The following MACROD2 variants were observed in gnomAD, a reference collection of about 807,000 sequenced individuals.
MACROD2 encodes the protein mono-ADP ribosylhydrolase 2.
MACROD2 carries 36 observed loss-of-function variants against 70.4 expected under a neutral mutation model. That is an observed-to-expected ratio of 0.51 (90% confidence interval 0.39 to 0.68). The LOEUF (loss-of-function observed/expected upper bound fraction) is 0.68. Among genes scored for constraint, MACROD2 ranks in the 30% least tolerant of loss-of-function variants. The probability of loss-of-function intolerance (pLI) is 0.00; values close to 1 mark genes in which losing one functional copy is unlikely to be tolerated. For synonymous variants in MACROD2, 172 were observed against 178.8 expected, an observed-to-expected ratio of 0.96 and a Z score of 0.30; for missense variants, 496 against 538.4, an observed-to-expected ratio of 0.92 and a Z score of 0.78.
chr20:15,844,447 C>G (rs2064207186), intron 8 of MACROD2, among the ~76,000 whole-genome samples: 1 of 152,090 alleles, frequency 6.6e-6, no homozygotes, highest in African/African-American at 2.4e-5. Context: ...TTCATTTACT[C>G]CCCCAGATAG....
chr20:15,515,255 A>G (rs956889761), intron 8 of MACROD2, among the ~76,000 whole-genome samples: 1 of 152,242 alleles, frequency 6.6e-6, no homozygotes, highest in Non-Finnish European at 1.5e-5. Context: ...TTTCTAAGCC[A>G]TGGATATTTC....
chr20:14,938,653 T>C (rs1414650513), intron 5 of MACROD2, among the ~76,000 whole-genome samples: 4 of 152,014 alleles, frequency 2.6e-5, no homozygotes, highest in Non-Finnish European at 5.9e-5. Flanking sequence ...TGATGGCAGG[T>C]GCCTGTAATC....
chr20:15,573,247 G>C (rs1177185268), intron 8 of MACROD2, among the ~76,000 whole-genome samples: 1 of 151,988 alleles, frequency 6.6e-6, no homozygotes, highest in Admixed American at 6.6e-5. Context: ...AGCATTATAT[G>C]CCTTCACATG....
At chr20:15,313,574 G>C (rs1410883263) in intron 6 of MACROD2, among the ~76,000 whole-genome samples, 2 of 151,760 alleles carry the variant, frequency 1.3e-5, no homozygotes, top group Non-Finnish European at 2.9e-5. Flanking sequence ...GTAATGTGTG[G>C]AATGTTTCTC....
intron 8 of MACROD2, among the ~76,000 whole-genome samples, chr20:15,571,555 C>A (rs988560110): frequency 7.3e-5 from 11 of 151,678 alleles, no homozygotes; most frequent in African/African-American, 2.7e-4. Flanking sequence ...AGAACTAAAC[C>A]AGATATTGAG....
chr20:14,772,545 C>A (rs2072182401), intron 5 of MACROD2, among the ~76,000 whole-genome samples: 1 of 151,972 alleles, frequency 6.6e-6, no homozygotes, highest in South Asian at 2.1e-4. Flanking sequence ...GAGACTCACT[C>A]ACTATCATGA....
intron 8 of MACROD2, among the ~76,000 whole-genome samples, chr20:15,845,493 A>G (rs1387056491): frequency 6.6e-6 from 1 of 151,646 alleles, no homozygotes; most frequent in African/African-American, 2.4e-5. Flanking sequence ...GATCAAGGAA[A>G]TGAGTCGTGG....
At position 15,455,705 on chromosome 20, in the gene MACROD2, A is replaced by G. The variant is rs545660319; in HGVS notation, c.571+24270A>G. On this transcript the variant is annotated intron_variant, in intron 7 of 17. Transcript: ENST00000684519. ...ATAGTTGTGAAATTTGATGATTTTG[A>G]AGAAGAATTAATTACTGAAGTTTTT... 2.0e-5 allele frequency among the ~76,000 whole-genome samples: 3 copies of G among 152,252 alleles called. No homozygotes were observed. In the South Asian group the frequency reaches 6.2e-4, roughly 32 times the overall value.
At chr20:14,216,824 T>TACC (rs1244849162) in intron 3 of MACROD2, among the ~76,000 whole-genome samples, 1 of 152,170 alleles carries the variant, frequency 6.6e-6, no homozygotes, top group African/African-American at 2.4e-5. Context: ...ACTGTTGGTG[T>TACC]ATAGAAGAGC....
At chr20:15,750,862 G>C (rs116211233) in intron 8 of MACROD2, among the ~76,000 whole-genome samples, 277 of 151,814 alleles carry the variant, frequency 1.8e-3, no homozygotes, top group African/African-American at 6.1e-3. Context: ...TACCTCATCT[G>C]TGGAATCTAA....
intron 5 of MACROD2, among the ~76,000 whole-genome samples, chr20:15,200,990 CAG>C (rs1461195702): frequency 6.6e-6 from 1 of 152,156 alleles, no homozygotes; most frequent in East Asian, 1.9e-4. Flanking sequence ...ATGCTACTCC[CAG>C]AGACTGATTT....
At chr20:15,580,400 C>T (rs970499029) in intron 8 of MACROD2, among the ~76,000 whole-genome samples, 1 of 152,130 alleles carries the variant, frequency 6.6e-6, no homozygotes, top group Non-Finnish European at 1.5e-5. Flanking sequence ...ATCTGTGTGC[C>T]CCCATTAGTC....
intron 15 of MACROD2, among the ~76,000 whole-genome samples, chr20:16,032,791 G>T (rs1419314389): frequency 3.0e-5 from 4 of 133,170 alleles, no homozygotes; most frequent in African/African-American, 1.1e-4. Context: ...GGAAGGGCAG[G>T]AAGGGAGGGA....
chr20:14,626,038 C>T (rs572173384), intron 4 of MACROD2, among the ~76,000 whole-genome samples: 1 of 152,238 alleles, frequency 6.6e-6, no homozygotes, highest in African/African-American at 2.4e-5. Flanking sequence ...GTTGATTAGG[C>T]TGGTCTCAAA....
chr20:16,041,514 A>G (rs1175176984), intron 16 of MACROD2, among the ~76,000 whole-genome samples: 1 of 152,004 alleles, frequency 6.6e-6, no homozygotes, highest in Non-Finnish European at 1.5e-5. Flanking sequence ...ATCATATCTT[A>G]TAATACTGAG....
chr20:15,846,487 T>C (rs2147139606), intron 8 of MACROD2, among the ~76,000 whole-genome samples: 1 of 152,256 alleles, frequency 6.6e-6, no homozygotes, highest in Non-Finnish European at 1.5e-5. Flanking sequence ...CGATTTTCTC[T>C]CATCTAGTTA....
intron 6 of MACROD2, among the ~76,000 whole-genome samples, chr20:15,265,665 TTTTC>T (rs541579292): frequency 1.3e-5 from 2 of 152,344 alleles, no homozygotes; most frequent in Admixed American, 1.3e-4. Flanking sequence ...TTGCACTTCT[TTTTC>T]TTTCTTCTTT....
intron 5 of MACROD2, among the ~76,000 whole-genome samples, chr20:15,121,189 G>C (rs997243515): frequency 1.3e-5 from 2 of 152,136 alleles, no homozygotes; most frequent in Non-Finnish European, 1.5e-5. Flanking sequence ...GTACAGGATA[G>C]GTAGTGCTTA....
chr20:15,772,101 A>AAAAAAAAAAAATATATAT (rs1555777716), intron 8 of MACROD2, among the ~76,000 whole-genome samples: 2 of 91,424 alleles, frequency 2.2e-5, no homozygotes, highest in Non-Finnish European at 3.8e-5. Flanking sequence ...AAAAAAAAAA[A>AAAAAAAAAAAATATATAT]ATATATATAT....
Sources: gnomAD v4.1 joint callset for allele counts (sites outside exome capture counted in the v4.1 genomes callset) on GRCh38, gnomAD v4.1.1 for gene constraint, MANE v1.5 for transcripts, NCBI Gene and HGNC (gene_info 2026-07-23, HGNC 2026-07-21) for gene names.